Variants in TLL2 observed in about 807,000 individuals in gnomAD.
TLL2 encodes tolloid like 2, also known as tolloid-like protein 2.
TLL2 carries 106 observed loss-of-function variants against 123.0 expected under a neutral mutation model. The observed-to-expected ratio is 0.86, with a 90% CI of 0.74 to 1.01. The LOEUF is 1.01. Among genes scored for constraint, TLL2 ranks in the 50% least tolerant of loss-of-function variants. The pLI is 0.00. For missense variants in TLL2, 1,332 were observed against 1,336.7 expected (o/e 1.00, Z 0.06); for synonymous variants, 494 against 516.8 (o/e 0.96, Z 0.60).
rs143755578 is a variant in TLL2, at chr10:96,386,099, G to A, written c.1969C>T (p.Arg657Trp). 242 of 1,611,362 alleles carry A rather than the reference G, an allele frequency of 1.5e-4. No homozygotes were observed. The African/African-American group carries it at 2.6e-3, about 17-fold the overall frequency. The change falls in exon 15 of 21, where the codon CGG becomes TGG. Residue 657 changes from arginine to tryptophan, a missense_variant. Arg to Trp is a moderately radical substitution (Grantham distance 101, BLOSUM62 -3). Transcript: ENST00000357947. Reference protein sequence around the residue: ...VWQVVAPAQYRISLQFEVFEL... With the variant: ...VWQVVAPAQYWISLQFEVFEL... ...AACACTTCAAACTGAAGGGAGATCC[G>A]GTACTGAGCGGGGGCCACCACCTGC...
chr10:96,459,695 AAAAAAAAAAAATATATATATAT>A (rs1564911549), intron 2 of TLL2, among the ~76,000 whole-genome samples: 7 of 59,472 alleles, frequency 1.2e-4, no homozygotes, highest in African/African-American at 4.6e-4. Flanking sequence ...AAAAAAAAAA[AAAAAAAAAAAATATATATATAT>A]ATATATATAT....
intron 9 of TLL2, among the ~76,000 whole-genome samples, chr10:96,407,010 GC>G (rs1380608077): frequency 6.6e-6 from 1 of 151,676 alleles, no homozygotes; most frequent in East Asian, 1.9e-4. Flanking sequence ...CCCTGCTGTG[GC>G]CCCATTTTTT....
At chr10:96,368,641 C>T (rs986846338) in intron 20 of TLL2, among the ~76,000 whole-genome samples, 3 of 152,160 alleles carry the variant, frequency 2.0e-5, no homozygotes, top group Non-Finnish European at 4.4e-5. Flanking sequence ...AAAGGATGCA[C>T]CATGAATCAC....
At chr10:96,505,295 A>G (rs918043830) in intron 1 of TLL2, among the ~76,000 whole-genome samples, 2 of 152,152 alleles carry the variant, frequency 1.3e-5, no homozygotes, top group Non-Finnish European at 2.9e-5. Context: ...AACCACCCCC[A>G]TGATCCAATC....
chr10:96,506,312 A>T (rs926127253), intron 1 of TLL2, among the ~76,000 whole-genome samples: 1 of 151,520 alleles, frequency 6.6e-6, no homozygotes, highest in Admixed American at 6.6e-5. Context: ...GAGAAGAAAA[A>T]CCTAAGTCAG....
At chr10:96,483,073 G>A (rs1304918929) in intron 1 of TLL2, among the ~76,000 whole-genome samples, 1 of 152,188 alleles carries the variant, frequency 6.6e-6, no homozygotes, top group African/African-American at 2.4e-5. Flanking sequence ...GATGATTAAT[G>A]TTGTAGAAAA....
At chr10:96,459,641 G>A (rs1313384084) in intron 2 of TLL2, among the ~76,000 whole-genome samples, 1 of 115,464 alleles carries the variant, frequency 8.7e-6, no homozygotes, top group African/African-American at 3.3e-5. Context: ...CTGCACTCCA[G>A]CCTGAGTGAC....
intron 17 of TLL2, among the ~76,000 whole-genome samples, chr10:96,377,365 G>T (rs1016246486): frequency 2.6e-5 from 4 of 151,766 alleles, no homozygotes; most frequent in Non-Finnish European, 5.9e-5. Flanking sequence ...GCTTTATTTG[G>T]AGTCTACCAA....
At chr10:96,416,751 C>T (rs1439599384) in intron 7 of TLL2, among the ~76,000 whole-genome samples, 2 of 152,222 alleles carry the variant, frequency 1.3e-5, no homozygotes, top group Non-Finnish European at 2.9e-5. Context: ...CAAGAGCTTC[C>T]AGCTGTTTAC....
chr10:96,442,710 C>T, intron 3 of TLL2, among the ~76,000 whole-genome samples: 1 of 152,226 alleles, frequency 6.6e-6, no homozygotes, highest in East Asian at 1.9e-4. Flanking sequence ...GTGCTGTGCA[C>T]AACCCCACCA....
intron 9 of TLL2, among the ~76,000 whole-genome samples, chr10:96,408,207 T>C (rs1846469248): frequency 1.3e-5 from 2 of 152,240 alleles, no homozygotes; most frequent in South Asian, 4.1e-4. Flanking sequence ...AAAGGAAATG[T>C]TAGTACAACT....
rs773935738 is a variant in TLL2, at chr10:96,384,726, G to A, written c.2055C>T (p.Ser685=). 1 of 1,609,704 alleles carries A rather than the reference G, an allele frequency of 6.2e-7. No individual in the cohort carries two copies. The highest frequency in any genetic ancestry group is 1.7e-5 in the Admixed American group (1 of 59,640). ...ACCTGCCGTGCAGCTTGGCGTCGGG[G>A]GACAGGCCGCTGCGCACCTCTACAA... The part of the protein sequence containing the change: ...YDFVEVRSGL[S]PDAKLHGRFC... The change falls in exon 16 of 21, where the codon TCC becomes TCT. Residue 685 remains serine, a synonymous_variant. Coordinates refer to ENST00000357947, the MANE Select transcript of TLL2 (RefSeq NM_012465.4).
chr10:96,480,122 C>A (rs1195472431), intron 2 of TLL2, among the ~76,000 whole-genome samples: 1 of 152,218 alleles, frequency 6.6e-6, no homozygotes, highest in Non-Finnish European at 1.5e-5. Context: ...AGCCTGAACC[C>A]TCTGATAAAG....
intron 1 of TLL2, among the ~76,000 whole-genome samples, chr10:96,501,203 A>G (rs2134114407): frequency 6.6e-6 from 1 of 152,342 alleles, no homozygotes; most frequent in South Asian, 2.1e-4. Context: ...CTGTGTAGTT[A>G]AGGAAAACAT....
chr10:96,402,108 C>T (rs146594282), intron 10 of TLL2, among the ~76,000 whole-genome samples: 4 of 152,220 alleles, frequency 2.6e-5, no homozygotes, highest in Admixed American at 1.3e-4. Flanking sequence ...GTCTGTGATC[C>T]GATGTTCTCA....
chr10:96,396,239 A>C (rs992213497), intron 11 of TLL2, among the ~76,000 whole-genome samples: 1 of 152,146 alleles, frequency 6.6e-6, no homozygotes, highest in Non-Finnish European at 1.5e-5. Flanking sequence ...AAACCACATA[A>C]AGCAGTGGTT....
Position 96,405,259 on chromosome 10 carries a change from C to A in TLL2, c.1240G>T (p.Gly414Cys), listed in dbSNP as rs1409588987. The A allele has an allele frequency of 1.2e-6, 2 of 1,614,014 alleles. No homozygotes were observed. The highest frequency in any genetic ancestry group is 1.7e-6 in the Non-Finnish European group (2 of 1,180,018). The change falls in exon 10 of 21, where the codon GGT becomes TGT. Residue 414 changes from glycine (G) to cysteine (C), a missense_variant. Gly to Cys is a radical substitution (Grantham distance 159). Coordinates refer to ENST00000357947, the MANE Select transcript of TLL2 (RefSeq NM_012465.4). The part of the protein sequence containing the change: ...CWYDYVEVRD[G>C]YWRKAPLLGR... ...AAAAGGGGGGCTTTTCTCCAGTAAC[C>A]ATCCCGGACCTCCACGTAATCATAC...
intron 13 of TLL2, among the ~76,000 whole-genome samples, chr10:96,393,610 C>CA (rs1452585577): frequency 6.6e-6 from 1 of 152,198 alleles, no homozygotes; most frequent in African/African-American, 2.4e-5. Flanking sequence ...CAGGCTGGGC[C>CA]AGGGTGGGAT....
At chr10:96,495,536 A>G (rs11188798) in intron 1 of TLL2, among the ~76,000 whole-genome samples, 10,272 of 152,208 alleles carry the variant, frequency 0.067, 449 homozygotes, top group Non-Finnish European at 0.089. Context: ...TTGTAGTTCC[A>G]CGCTATAAAT....
Sources: gnomAD v4.1 joint callset for allele counts (sites outside exome capture counted in the v4.1 genomes callset) on GRCh38, gnomAD v4.1.1 for gene constraint, MANE v1.5 for transcripts, NCBI Gene and HGNC (gene_info 2026-07-23, HGNC 2026-07-21) for gene names.